Variants in GARNL3 observed in about 807,000 individuals in gnomAD.
GARNL3 encodes the protein GTPase-activating Rap/Ran-GAP domain-like protein 3.
Under a neutral mutation model 125.0 loss-of-function variants are expected in GARNL3, and 63 were observed. The observed-to-expected ratio is 0.50, with a 90% confidence interval of 0.41 to 0.62. The LOEUF is 0.62. GARNL3 is among the 20% of genes least tolerant of loss of function. The pLI, the probability that GARNL3 is intolerant of heterozygous loss-of-function variation, is 0.00. For missense variants in GARNL3, 994 were observed against 1,244.0 expected, an observed-to-expected ratio of 0.80 and a Z score of 3.02; for synonymous variants, 439 against 457.5, an observed-to-expected ratio of 0.96 and a Z score of 0.52.
At chr9:127,247,272 C>T (rs952461105) in intron 2 of GARNL3, among the ~76,000 whole-genome samples, 12 of 152,132 alleles carry the variant, frequency 7.9e-5, no homozygotes, top group Non-Finnish European at 1.5e-4. Flanking sequence ...ACGGGCTGGA[C>T]TAGTGAGGCG....
rs2063226532 is a variant in GARNL3 at position 127,242,825 on chromosome 9, C to T, written c.-28-254C>T. Among the ~76,000 whole-genome samples the T allele has an allele frequency of 6.6e-6, 1 of 152,108 alleles. No individual in the cohort carries two copies. Among genetic ancestry groups the T allele is most frequent in the Non-Finnish European group, 1.5e-5 (1 of 68,026 alleles). Reference sequence around the variant, plus strand: ...CAAATGCTCACTGGGCCTCCTTTTACTTTATACTCCGCGGACTTAACTGAT... The same window carrying T: ...CAAATGCTCACTGGGCCTCCTTTTATTTTATACTCCGCGGACTTAACTGAT... On this transcript the variant is annotated intron_variant, in intron 1 of 10. Coordinates refer to the GARNL3 transcript ENST00000439286. This position sits in a 1 kb window ranked among gnomAD's most constrained non-coding sequence, Gnocchi z 4.6.
chr9:127,276,835 C>T (rs1405513377), intron 1 of GARNL3, among the ~76,000 whole-genome samples: 1 of 152,234 alleles, frequency 6.6e-6, no homozygotes, highest in African/African-American at 2.4e-5. Context: ...TGTGTACAGC[C>T]AGTGTCAGAC....
At chr9:127,352,535 A>G (rs1015403527) in intron 17 of GARNL3, among the ~76,000 whole-genome samples, 1 of 152,240 alleles carries the variant, frequency 6.6e-6, no homozygotes. Flanking sequence ...AATTAGTTCC[A>G]TTTTGTGGGA....
At chr9:127,300,478 T>C in intron 2 of GARNL3, 1 of 401,310 alleles carries the variant, frequency 2.5e-6, no homozygotes, top group Non-Finnish European at 4.8e-6. Flanking sequence ...TTTTCTTTTT[T>C]TTGTTGTTTT....
At chr9:127,273,279 G>A (rs912787703) in intron 1 of GARNL3, among the ~76,000 whole-genome samples, 2 of 151,972 alleles carry the variant, frequency 1.3e-5, no homozygotes, top group Non-Finnish European at 2.9e-5. Flanking sequence ...TAATCTCTTC[G>A]CCTGCAAGCC....
intron 4 of GARNL3, among the ~76,000 whole-genome samples, chr9:127,317,141 G>C (rs916666979): frequency 6.6e-6 from 1 of 152,208 alleles, no homozygotes; most frequent in Admixed American, 6.5e-5. Context: ...GGGTGGTGTG[G>C]ACGGGAGACT....
chr9:127,240,328 G>A (rs994174785), intron 1 of GARNL3, among the ~76,000 whole-genome samples: 1 of 152,076 alleles, frequency 6.6e-6, no homozygotes, highest in Non-Finnish European at 1.5e-5. Context: ...GCCATGCACC[G>A]CCAGCCCTCA....
intron 7 of GARNL3, among the ~76,000 whole-genome samples, chr9:127,331,720 C>CTTGCTTTTTTTTT (rs367597623): frequency 4.0e-5 from 3 of 74,414 alleles, no homozygotes; most frequent in African/African-American, 1.4e-4. Flanking sequence ...CTTGGGCTTG[C>CTTGCTTTTTTTTT]TTTTTTTTTT....
chr9:127,311,598 A>G (rs2065100243), intron 2 of GARNL3, 38 bp from the exon 3 acceptor site: 3 of 1,392,184 alleles, frequency 2.2e-6, no homozygotes, highest in Non-Finnish European at 3.1e-6. Flanking sequence ...TTACTTTCTG[A>G]ATAAGCCTCT....
At position 127,346,112 on chromosome 9, in the gene GARNL3, C is replaced by T. The variant is rs570068203; in HGVS notation, c.1431+635C>T. On this transcript the variant is annotated intron_variant, in intron 16 of 27. Transcript: ENST00000373387. ...AATTCTTTGGCTATTTATCTACATC[C>T]TGTTCCACTTTCCATGGGGGTAAAA... is the stretch of plus-strand genomic sequence containing the variant. Among the ~76,000 whole-genome samples, 5 of 152,328 alleles carry T rather than the reference C, an allele frequency of 3.3e-5. No individual in the cohort carries two copies. The East Asian group carries it at 5.8e-4, about 18-fold the overall frequency.
rs1832592803 is a variant in GARNL3 at position 127,387,288 on chromosome 9, C to A, written c.2484C>A (p.Pro828=). ...GTGCCCGAAATTCTCCTCAGACACC[C>A]CCGGGCCGAGATACTCCAGTATTTC... ...GASARNSPQT[P]PGRDTPVFPS... Residue 828 remains proline, a synonymous_variant, in exon 25 of 28, where the codon CCC becomes CCA. Coordinates refer to ENST00000373387, the MANE Select transcript of GARNL3 (RefSeq NM_032293.5). 1.2e-6 allele frequency: 2 copies of A among 1,614,022 alleles called. No homozygotes were observed. Among genetic ancestry groups the A allele is most frequent in the African/African-American group, 2.7e-5 (2 of 74,932 alleles).
At chr9:127,386,442 T>C (rs762831341) in intron 24 of GARNL3, among the ~76,000 whole-genome samples, 8 of 152,186 alleles carry the variant, frequency 5.3e-5, no homozygotes, top group Non-Finnish European at 8.8e-5. Flanking sequence ...CCCTGCATGA[T>C]TGATTTCAAG....
chr9:127,353,171 T>C (rs953590025), intron 17 of GARNL3, among the ~76,000 whole-genome samples: 48 of 152,350 alleles, frequency 3.2e-4, no homozygotes, highest in Middle Eastern at 3.4e-3. Context: ...ATTGGAGATT[T>C]CCCTGAGCAT....
intron 27 of GARNL3, among the ~76,000 whole-genome samples, chr9:127,391,921 G>A (rs573021802): frequency 1.3e-5 from 2 of 152,258 alleles, no homozygotes; most frequent in South Asian, 2.1e-4. Flanking sequence ...GTGATAGTTC[G>A]TATGTCCAAG....
intron 22 of GARNL3, chr9:127,369,106 A>G (rs887263900): frequency 6.8e-6 from 1 of 146,570 alleles, no homozygotes; most frequent in Non-Finnish European, 1.5e-5. Context: ...TTTTTATTAA[A>G]TGGTGTTCAG....
At chr9:127,374,171 C>T (rs749105258) in intron 22 of GARNL3, among the ~76,000 whole-genome samples, 6 of 152,166 alleles carry the variant, frequency 3.9e-5, no homozygotes, top group Admixed American at 6.5e-5. Context: ...CGTGGTGGCT[C>T]ATGCCTGTAA....
chr9:127,324,446 G>A (rs2065501294), intron 6 of GARNL3, among the ~76,000 whole-genome samples: 1 of 152,102 alleles, frequency 6.6e-6, no homozygotes, highest in Non-Finnish European at 1.5e-5. Context: ...CAGCCTCCGT[G>A]CCTCCATCCT....
In GARNL3 at chr9:127,362,068, C is replaced by CTT. The variant is rs540192850; in HGVS notation, c.2095-3213_2095-3212dup. On this transcript the variant is annotated intron_variant, in intron 21 of 27. Coordinates refer to ENST00000373387, the MANE Select transcript of GARNL3 (RefSeq NM_032293.5). ...TCTTGGAAGGGGCTCTTCATTTCTC[C>CTT]TTTTTTTTTTTTTTTTTTTTGAGAC... is the stretch of plus-strand genomic sequence containing the variant. 459 of 130,198 alleles carry CTT rather than the reference C, an allele frequency of 3.5e-3. 7 individuals carry two copies. The highest frequency in any genetic ancestry group is 0.012 in the African/African-American group (406 of 33,172). The allele number at this position is 130,198 out of a possible 1,614,324, so 8.1% of individuals were successfully genotyped here. A position where few individuals can be genotyped will look rare whatever the true frequency, so the allele number is the denominator to read the frequency against.
intron 2 of GARNL3, among the ~76,000 whole-genome samples, chr9:127,251,021 A>G (rs180706917): frequency 1.2e-4 from 18 of 152,292 alleles, no homozygotes; most frequent in Admixed American, 5.9e-4. Flanking sequence ...CAACTTTCAT[A>G]TTCCTCAAGG....
Sources: allele counts gnomAD v4.1 joint callset (sites outside exome capture counted in the v4.1 genomes callset), GRCh38; gene constraint gnomAD v4.1.1; non-coding constraint Gnocchi (gnomAD v3.1); transcripts MANE v1.5; gene names NCBI Gene and HGNC (gene_info 2026-07-23, HGNC 2026-07-21).